Variants in FASN observed in about 807,000 individuals in gnomAD.
FASN encodes fatty acid synthase, also known as 3-hydroxyacyl-[acyl-carrier-protein] dehydratase.
Under a neutral mutation model 250.0 loss-of-function variants are expected in FASN, and 50 were observed. The observed-to-expected ratio is 0.20, with a 90% CI of 0.16 to 0.25. The LOEUF is 0.25. Among genes scored for constraint, FASN ranks in the 10% least tolerant of loss-of-function variants. The pLI, the probability that FASN is intolerant of heterozygous loss-of-function variation, is 1.00. For synonymous variants in FASN, 1,909 were observed against 1,584.0 expected (o/e 1.21, Z -4.87); for missense variants, 3,031 against 3,498.5 (o/e 0.87, Z 3.37).
chr17:82,094,556 T>C (rs1490261063), intron 3 of FASN, among the ~76,000 whole-genome samples: 1 of 151,930 alleles, frequency 6.6e-6, no homozygotes, highest in Non-Finnish European at 1.5e-5. Context: ...TTTGGGAAGC[T>C]GAGATGGATG....
Position 82,095,378 on chromosome 17 carries a change from C to G in FASN, c.222G>C (p.Thr74=). 1 of 1,612,994 alleles carries G rather than the reference C, an allele frequency of 6.2e-7. No homozygotes were observed. Among genetic ancestry groups the G allele is most frequent in the Non-Finnish European group, 8.5e-7 (1 of 1,180,020 alleles). Reference sequence around the variant, plus strand: ...GCAGCAGCCGCAGCTGAGGGTCCATCGTGTGTGCCTGCTTGGGGTGGACTC... The same window carrying G: ...GCAGCAGCCGCAGCTGAGGGTCCATGGTGTGTGCCTGCTTGGGGTGGACTC... ...FFGVHPKQAH[T]MDPQLRLLLE... Residue 74 remains threonine (T), a synonymous_variant, in exon 3 of 43, where the codon ACG becomes ACC. Coordinates refer to ENST00000306749, the MANE Select transcript of FASN (RefSeq NM_004104.5).
chr17:82,091,261 C>A lies in FASN; in HGVS notation c.1453G>T (p.Val485Leu). ...GERGGPEVQQ[V>L]PAGERPLWFI... ...CAGAGCGGGCGCTCGCCAGCGGGCA[C>A]CTGCTGCACCTCTGGGCCACCGCGC... Residue 485 changes from valine to leucine, a missense_variant, in exon 9 of 43, where the codon GTG becomes TTG. Physicochemically the swap from Val to Leu is conservative, Grantham distance 32 (BLOSUM62 1). Transcript: ENST00000306749. The A allele has an allele frequency of 1.9e-6, 3 of 1,603,006 alleles. No individual in the cohort carries two copies. The highest frequency in any genetic ancestry group is 1.7e-6 in the Non-Finnish European group (2 of 1,174,916).
Position 82,082,924 on chromosome 17 carries a change from C to A in FASN, c.5757G>T (p.Gly1919=), listed in dbSNP as rs1321675065. The A allele has an allele frequency of 1.9e-6, 3 of 1,612,664 alleles. No homozygotes were observed. The highest frequency in any genetic ancestry group is 1.7e-5 in the Admixed American group (1 of 60,008). The change falls in exon 33 of 43, where the codon GGG becomes GGT. Residue 1919 remains glycine (G), a synonymous_variant. Coordinates refer to ENST00000306749, the MANE Select transcript of FASN (RefSeq NM_004104.5). ...VQKLVLTSRS[G]IRTGYQAKQV... is the part of the protein sequence containing the mutation. ...CCCCTGCCGACTCACCTGTCCGGAT[C>A]CCGGAGCGAGAAGTCAACACGAGCT...
Position 82,091,325 on chromosome 17 carries a change from G to A in FASN, c.1389C>T (p.Thr463=), listed in dbSNP as rs780199126. The change falls in exon 9 of 43, where the codon ACC becomes ACT. Residue 463 remains threonine, a synonymous_variant. Coordinates refer to ENST00000306749, the MANE Select transcript of FASN (RefSeq NM_004104.5). ...CAGCGTAGCCACGGAAGGGCATGGC[G>A]GTGGCGGGGACAGCCGCGATGTCGT... ...MLNDIAAVPA[T]AMPFRGYAVL... 1 of 1,609,988 alleles carries A rather than the reference G, an allele frequency of 6.2e-7. No homozygotes were observed. Among genetic ancestry groups the A allele is most frequent in the South Asian group, 1.1e-5 (1 of 90,810 alleles).
In FASN at chr17:82,081,767, G is replaced by A. The variant is rs760493473; in HGVS notation, c.6240C>T (p.Val2080=). ...VETMSTNDTI[V]SGTLPQRMAS... ...CCATGCGCTGGGGCAGCGTGCCACT[G>A]ACGATCGTGTCGTTGGTGCTCATCG... Residue 2080 remains valine (V), a synonymous_variant, in exon 37 of 43, where the codon GTC becomes GTT. Transcript: ENST00000306749. 1 of 1,612,694 alleles carries A rather than the reference G, an allele frequency of 6.2e-7. No individual in the cohort carries two copies. The highest frequency in any genetic ancestry group is 8.5e-7 in the Non-Finnish European group (1 of 1,180,006).
rs1273455284 is a variant in FASN, at chr17:82,078,952, C to T, written c.*191G>A. 1.3e-5 allele frequency: 9 copies of T among 692,464 alleles called. No homozygotes were observed. The highest frequency in any genetic ancestry group is 5.4e-5 in the East Asian group (2 of 36,754). The allele number at this position is 692,464 out of a possible 1,614,324, so 42.9% of individuals were successfully genotyped here. On this transcript the variant is annotated 3_prime_UTR_variant, in exon 43 of 43. Transcript: ENST00000306749. The surrounding 1 kb of genome is among the most constrained non-coding windows in gnomAD (Gnocchi z 5.4). ...TCCAAGTCGGCAGCTCTGGTGTCCC[C>T]GAGGTGCCGTGGGAGGCGGCGGGTG... is the stretch of plus-strand genomic sequence containing the variant.
Position 82,083,194 on chromosome 17 carries a change from C to G in FASN, c.5565+8G>C, listed in dbSNP as rs771985078. The stretch of plus-strand genomic sequence containing the variant: ...GGGTGCCCGAGGCGCCGGGACTCCT[C>G]CCCTCACCTGCACGACGACTTTGCC... On this transcript the variant is annotated splice_region_variant and intron_variant, in intron 32 of 42. Coordinates refer to ENST00000306749, the MANE Select transcript of FASN (RefSeq NM_004104.5). 6.2e-7 allele frequency: 1 copy of G among 1,612,394 alleles called. No individual in the cohort carries two copies. Among genetic ancestry groups the G allele is most frequent in the South Asian group, 1.1e-5 (1 of 91,086 alleles).
rs2034170218 is a variant in FASN, at chr17:82,089,737, G to A, written c.1871-11C>T. The A allele has an allele frequency of 6.3e-7, 1 of 1,580,068 alleles. No homozygotes were observed. On this transcript the variant is annotated splice_polypyrimidine_tract_variant and intron_variant, in intron 11 of 42. Transcript: ENST00000306749. ...CCTCCCAGGACAAGCCTATGGCAGA[G>A]CCAGCCTCAGAGGCTTAGCGTGGAC...
intron 19 of FASN, 27 bp from the exon 20 acceptor site, chr17:82,087,531 T>C (rs367646055): frequency 4.3e-6 from 7 of 1,610,748 alleles, no homozygotes; most frequent in East Asian, 2.2e-5. Context: ...GTTGGTGCTG[T>C]GGAACTCCCA....
Position 82,086,379 on chromosome 17 carries a change from C to T in FASN, c.3607G>A (p.Ala1203Thr). ...TCTGGCAGCTTGGGCCTCTCCTGGG[C>T]CAGCACCTGCGCCAGCTCCAGCTGC... ...NLQLELAQVL[A>T]QERPKLPEDP... The change falls in exon 22 of 43, where the codon GCC becomes ACC. Residue 1203 changes from alanine to threonine, a missense_variant. By Grantham distance (58) the Ala-to-Thr change is moderately conservative. Coordinates refer to ENST00000306749, the MANE Select transcript of FASN (RefSeq NM_004104.5). 2 of 1,609,516 alleles carry T rather than the reference C, an allele frequency of 1.2e-6. No individual in the cohort carries two copies. The highest frequency in any genetic ancestry group is 8.5e-7 in the Non-Finnish European group (1 of 1,179,776).
chr17:82,080,039 G>T, intron 41 of FASN, 101 bp downstream of exon 41: 1 of 1,253,392 alleles, frequency 8.0e-7, no homozygotes, highest in Non-Finnish European at 1.2e-6. Context: ...GAAGTTGGGG[G>T]GCCTTTAACG....
chr17:82,090,227 C>T (rs1028660354), intron 11 of FASN, 148 bp downstream of exon 11: 19 of 761,450 alleles, frequency 2.5e-5, no homozygotes, highest in Non-Finnish European at 2.9e-5. Context: ...AGGGGACTCG[C>T]GCACGGCTGT....
chr17:82,085,861 C>A lies in FASN; in HGVS notation c.3743G>T (p.Gly1248Val). 6.5e-7 allele frequency: 1 copy of A among 1,543,184 alleles called. No homozygotes were observed. The highest frequency in any genetic ancestry group is 1.2e-5 in the South Asian group (1 of 84,114). The change falls in exon 23 of 43, where the codon GGC (glycine) becomes GTC (valine). Residue 1248 changes from glycine to valine, a missense_variant. Physicochemically the swap from Gly to Val is moderately radical, Grantham distance 109 (BLOSUM62 -3). Transcript: ENST00000306749. ...LKMKVVEVLA[G>V]HGHLYSRIPG... The stretch of plus-strand genomic sequence containing the variant: ...GATGCGGGAATACAGGTGACCGTGG[C>A]CAGCCAGCACCTGTAGGGGGTGAAT...
chr17:82,087,036 G>A lies in FASN; in HGVS notation c.3427+14C>T, dbSNP rs775279476. The A allele has an allele frequency of 2.5e-6, 4 of 1,610,518 alleles. No homozygotes were observed. The highest frequency in any genetic ancestry group is 1.1e-5 in the South Asian group (1 of 90,892). On this transcript the variant is annotated intron_variant, in intron 21 of 42. Transcript: ENST00000306749. ...CGCCAGAGGTGTCCGAAGCCAGCAG[G>A]GCTGGGACCTCACCCTTGCACAGTT...
intron 3 of FASN, among the ~76,000 whole-genome samples, chr17:82,094,864 G>T (rs879313546): frequency 6.6e-6 from 1 of 151,464 alleles, no homozygotes; most frequent in African/African-American, 2.4e-5. Context: ...CAGTCAGAGC[G>T]AGGGCCAGGC....
At position 82,080,519 on chromosome 17, in the gene FASN, C is replaced by A; in HGVS notation, c.6898G>T (p.Gly2300Cys). ...GAGTAGCCGGCCACGCGGTAGGGGCCCTCGGGCTGCACCTGCCTGATGCAG... is the reference window on the plus strand; with the variant it reads ...GAGTAGCCGGCCACGCGGTAGGGGCACTCGGGCTGCACCTGCCTGATGCAG... Reference protein sequence around the residue: ...IDCIRQVQPEGPYRVAGYSYG... With the variant: ...IDCIRQVQPECPYRVAGYSYG... The change falls in exon 40 of 43, where the codon GGC (glycine) becomes TGC (cysteine). Residue 2300 changes from glycine (G) to cysteine (C), a missense_variant. Physicochemically the swap from Gly to Cys is radical, Grantham distance 159 (BLOSUM62 -3). Coordinates refer to ENST00000306749, the MANE Select transcript of FASN (RefSeq NM_004104.5). 6.4e-7 allele frequency: 1 copy of A among 1,561,892 alleles called. No individual in the cohort carries two copies.
Position 82,087,348 on chromosome 17 carries a change from T to C in FASN, c.3200A>G (p.Tyr1067Cys). Residue 1067 changes from tyrosine to cysteine, a missense_variant, in exon 20 of 43, where the codon TAC becomes TGC. Physicochemically the swap from Tyr to Cys is radical, Grantham distance 194 (BLOSUM62 -2). Transcript: ENST00000306749. ...ACCTTGGGCCTTGTCCTGCAGTGTG[T>C]ACAGCTTCTGCCTGTGGGTGGCAGG... Reference protein sequence around the residue: ...IDPATHRQKLYTLQDKAQVAD... With the variant: ...IDPATHRQKLCTLQDKAQVAD... 1 of 1,612,262 alleles carries C rather than the reference T, an allele frequency of 6.2e-7. No individual in the cohort carries two copies. The highest frequency in any genetic ancestry group is 8.5e-7 in the Non-Finnish European group (1 of 1,179,910).
chr17:82,092,015 G>A (rs1176746280), intron 8 of FASN, among the ~76,000 whole-genome samples: 1 of 152,228 alleles, frequency 6.6e-6, no homozygotes, highest in East Asian at 1.9e-4. Flanking sequence ...TTGGGGGGCA[G>A]AGGGCGTGAG....
At position 82,094,743 on chromosome 17, in the gene FASN, C is replaced by T. The variant is rs943069209; in HGVS notation, c.280+577G>A. Among the ~76,000 whole-genome samples the T allele has an allele frequency of 5.3e-5, 8 of 151,704 alleles. No individual in the cohort carries two copies. The East Asian group carries it at 9.7e-4, about 18-fold the overall frequency. ...GGCAGAGCTTGCAGTGAGCTGAGAT[C>T]GCGCCACTGCACTCCAACCTGGTGA... On this transcript the variant is annotated intron_variant, in intron 3 of 42. Coordinates refer to ENST00000306749, the MANE Select transcript of FASN (RefSeq NM_004104.5).
Sources: gnomAD v4.1 joint callset for allele counts (sites outside exome capture counted in the v4.1 genomes callset) on GRCh38, gnomAD v4.1.1 for gene constraint, Gnocchi (gnomAD v3.1) non-coding constraint, MANE v1.5 for transcripts, NCBI Gene and HGNC (gene_info 2026-07-23, HGNC 2026-07-21) for gene names.